The following FBN2 variants were observed in gnomAD, a reference collection of about 807,000 sequenced individuals.
FBN2 encodes fibrillin-2.
Under a neutral mutation model 355.6 loss-of-function variants are expected in FBN2, and 105 were observed. That is an observed-to-expected ratio of 0.30 (90% CI 0.25 to 0.35). The LOEUF is 0.35. Among genes scored for constraint, FBN2 ranks in the 10% least tolerant of loss-of-function variants. The pLI is 1.00. For synonymous variants in FBN2, 1,350 were observed against 1,301.2 expected, an observed-to-expected ratio of 1.04 and a Z score of -0.81; for missense variants, 3,280 against 3,758.7, an observed-to-expected ratio of 0.87 and a Z score of 3.33.
chr5:128,259,250 C>T lies in FBN2; in HGVS notation c.*205G>A, dbSNP rs1764895523. ...AGTTATATAAAAAATACAGTAACCA[C>T]GGTTGCCTTTGTGCTCAAATCTTTG... is the stretch of plus-strand genomic sequence containing the variant. On this transcript the variant is annotated 3_prime_UTR_variant, in exon 65 of 65. Coordinates refer to ENST00000262464, the MANE Select transcript of FBN2 (RefSeq NM_001999.4). The T allele has an allele frequency of 6.6e-6, 4 of 605,640 alleles. No individual in the cohort carries two copies. The highest frequency in any genetic ancestry group is 2.9e-5 in the Admixed American group (1 of 34,662). The allele number at this position is 605,640 out of a possible 1,614,324, so 37.5% of individuals were successfully genotyped here. A position where few individuals can be genotyped will look rare whatever the true frequency, so the allele number is the denominator to read the frequency against.
At chr5:128,319,114 G>A (rs917483384) in intron 34 of FBN2, 113 bp from the exon 35 acceptor site, 9 of 842,760 alleles carry the variant, frequency 1.1e-5, no homozygotes, top group Non-Finnish European at 1.3e-5. Flanking sequence ...TATTCAGTAA[G>A]GCTTTTTTTT....
intron 6 of FBN2, among the ~76,000 whole-genome samples, chr5:128,452,081 T>A (rs1443496475): frequency 6.6e-6 from 1 of 152,116 alleles, no homozygotes; most frequent in African/African-American, 2.4e-5. Flanking sequence ...AAAGAAATTA[T>A]ATAGAAATAA....
chr5:128,536,575 G>T lies in FBN2; in HGVS notation c.255-91C>A, dbSNP rs562157590. 4.9e-5 allele frequency: 42 copies of T among 861,610 alleles called. No individual in the cohort carries two copies. In the East Asian group the frequency reaches 8.4e-4, roughly 17 times the overall value. 53.4% of individuals were successfully genotyped at this position (861,610 alleles called of 1,614,324 possible). ...TCGTAAGCAATGCCCCGAGCGAGTA[G>T]ATTTCAGGACAACAAACAAATCAAA... On this transcript the variant is annotated intron_variant, in intron 1 of 64. Transcript: ENST00000262464.
intron 5 of FBN2, among the ~76,000 whole-genome samples, chr5:128,470,561 A>G (rs1270081123): frequency 1.3e-5 from 2 of 152,180 alleles, no homozygotes; most frequent in Non-Finnish European, 2.9e-5. Context: ...ATGTGGGGGA[A>G]AAAAACAGAA....
At chr5:128,491,709 C>A (rs1225965281) in intron 5 of FBN2, among the ~76,000 whole-genome samples, 1 of 152,082 alleles carries the variant, frequency 6.6e-6, no homozygotes, top group Non-Finnish European at 1.5e-5. Context: ...AATGCAACAA[C>A]AAAAACAAGT....
intron 57 of FBN2, 147 bp downstream of exon 57, chr5:128,278,488 G>A: frequency 1.4e-6 from 1 of 720,672 alleles, no homozygotes; most frequent in Non-Finnish European, 2.4e-6. Flanking sequence ...ACATATATAT[G>A]AAAACACACA....
At chr5:128,343,109 C>A (rs781262440) in intron 25 of FBN2, among the ~76,000 whole-genome samples, 1 of 152,010 alleles carries the variant, frequency 6.6e-6, no homozygotes, top group Non-Finnish European at 1.5e-5. Flanking sequence ...TGAAGGAGAA[C>A]GGTAATAGAT....
chr5:128,402,810 T>G (rs1222025118), intron 8 of FBN2, among the ~76,000 whole-genome samples: 2 of 152,200 alleles, frequency 1.3e-5, no homozygotes, highest in African/African-American at 4.8e-5. Context: ...CAGCCTGGGC[T>G]CCCCTTGATT....
chr5:128,505,133 T>A (rs987082975), intron 5 of FBN2, among the ~76,000 whole-genome samples: 1 of 152,226 alleles, frequency 6.6e-6, no homozygotes. Context: ...CATGTGGAAC[T>A]GTGTGTCAAT....
intron 60 of FBN2, 57 bp from the exon 61 acceptor site, chr5:128,274,025 T>A: frequency 6.2e-7 from 1 of 1,604,018 alleles, no homozygotes; most frequent in Non-Finnish European, 8.5e-7. Flanking sequence ...ATGTCTTACG[T>A]TTCATGGGAA....
At chr5:128,415,808 A>G (rs1753180173) in intron 7 of FBN2, among the ~76,000 whole-genome samples, 1 of 152,186 alleles carries the variant, frequency 6.6e-6, no homozygotes, top group Admixed American at 6.5e-5. Context: ...ACTAATTTAC[A>G]TTACCACCAA....
At chr5:128,331,978 C>T (rs922322858) in intron 32 of FBN2, among the ~76,000 whole-genome samples, 1 of 152,142 alleles carries the variant, frequency 6.6e-6, no homozygotes, top group African/African-American at 2.4e-5. Context: ...GGAAAGATGG[C>T]TGGACTAGAG....
intron 5 of FBN2, among the ~76,000 whole-genome samples, chr5:128,491,786 T>G (rs771744353): frequency 1.3e-5 from 2 of 152,178 alleles, no homozygotes; most frequent in Admixed American, 6.5e-5. Flanking sequence ...TGGCCAATCT[T>G]TGGATCATGG....
rs1021782314 is a variant in FBN2, at chr5:128,286,934, T to G, written c.6881-85A>C. 8.5e-6 allele frequency: 11 copies of G among 1,296,616 alleles called. No individual in the cohort carries two copies. In the African/African-American group the frequency reaches 1.6e-4, roughly 19 times the overall value. The allele number at this position is 1,296,616 out of a possible 1,614,324, so 80.3% of individuals were successfully genotyped here. ...AGTCACAGGTGTGGTCTTCTGACAC[T>G]TAACATGTAATTTTATGGTGGGACA... is the stretch of plus-strand genomic sequence containing the variant. On this transcript the variant is annotated intron_variant, in intron 54 of 64. Coordinates refer to ENST00000262464, the MANE Select transcript of FBN2 (RefSeq NM_001999.4).
intron 36 of FBN2, among the ~76,000 whole-genome samples, chr5:128,313,373 C>T (rs969762453): frequency 1.3e-5 from 2 of 152,130 alleles, no homozygotes; most frequent in South Asian, 4.2e-4. Context: ...GAACTCTAGA[C>T]CCTTCTACCA....
intron 5 of FBN2, among the ~76,000 whole-genome samples, chr5:128,492,512 A>G (rs1283428721): frequency 6.6e-6 from 1 of 152,198 alleles, no homozygotes; most frequent in East Asian, 1.9e-4. Flanking sequence ...GTTAAAATAT[A>G]GAAATACTGG....
At chr5:128,479,840 T>C (rs961091578) in intron 5 of FBN2, among the ~76,000 whole-genome samples, 5 of 148,894 alleles carry the variant, frequency 3.4e-5, no homozygotes, top group African/African-American at 1.2e-4. Context: ...AGTGAGAGGA[T>C]TGCTTGAGGC....
At chr5:128,408,951 A>G (rs1449977020) in intron 7 of FBN2, 152 bp from the exon 8 acceptor site, 2 of 844,406 alleles carry the variant, frequency 2.4e-6, no homozygotes, top group Admixed American at 2.1e-5. Flanking sequence ...GCCCCAAAGA[A>G]TTTCTCACAC....
chr5:128,475,814 G>A (rs62391611), intron 5 of FBN2, among the ~76,000 whole-genome samples: 1 of 152,144 alleles, frequency 6.6e-6, no homozygotes, highest in South Asian at 2.1e-4. Context: ...TGTGTTTCCT[G>A]AGAGTTAAAG....
Sources: allele counts gnomAD v4.1 joint callset (sites outside exome capture counted in the v4.1 genomes callset), GRCh38; gene constraint gnomAD v4.1.1; transcripts MANE v1.5; gene names NCBI Gene and HGNC (gene_info 2026-07-23, HGNC 2026-07-21).